The following TENM2 variants were observed in gnomAD, a reference collection of about 807,000 sequenced individuals.
TENM2 encodes teneurin-2.
In TENM2, 52 loss-of-function variants were observed where a neutral mutation model predicts 245.2. The ratio of observed to expected loss-of-function variants is 0.21; its 90% CI spans 0.17 to 0.27. The LOEUF (loss-of-function observed/expected upper bound fraction) is 0.27, where lower values mean the gene tolerates loss of function less well. Among genes scored for constraint, TENM2 ranks in the 10% least tolerant of loss-of-function variants. The pLI, the probability that TENM2 is intolerant of heterozygous loss-of-function variation, is 1.00. For missense variants in TENM2, 3,046 were observed against 3,666.8 expected (o/e 0.83, Z 4.37); for synonymous variants, 1,363 against 1,438.9 (o/e 0.95, Z 1.19).
At chr5:167,670,799 A>G (rs1236387916) in intron 2 of TENM2, among the ~76,000 whole-genome samples, 1 of 152,148 alleles carries the variant, frequency 6.6e-6, no homozygotes, top group Non-Finnish European at 1.5e-5. Flanking sequence ...GGGCAAATCT[A>G]TCAGGTTCCA....
chr5:167,935,028 C>A, intron 3 of TENM2: 1 of 539,938 alleles, frequency 1.9e-6, no homozygotes, highest in Non-Finnish European at 2.4e-6. Context: ...TGAGTGCGAG[C>A]GGGAAAGGTC....
chr5:167,961,097 TC>T (rs1205002544), intron 4 of TENM2, among the ~76,000 whole-genome samples: 2 of 152,222 alleles, frequency 1.3e-5, no homozygotes, highest in Non-Finnish European at 2.9e-5. Context: ...TCACCTGGCT[TC>T]TGTGTTGATC....
chr5:167,592,994 T>C (rs560890139), intron 2 of TENM2, among the ~76,000 whole-genome samples: 2 of 152,336 alleles, frequency 1.3e-5, no homozygotes, highest in South Asian at 4.1e-4. Flanking sequence ...GTGGTCTTTT[T>C]CTTTGTTTTA....
At chr5:167,414,522 A>T (rs1024260830) in intron 2 of TENM2, among the ~76,000 whole-genome samples, 5 of 152,202 alleles carry the variant, frequency 3.3e-5, no homozygotes, top group South Asian at 2.1e-4. Context: ...CAAGTGATTT[A>T]GGGTGATTTA....
Position 167,619,877 on chromosome 5 carries a change from A to G in TENM2, c.502+244404A>G, listed in dbSNP as rs1778044409. Among the ~76,000 whole-genome samples the G allele has an allele frequency of 2.0e-5, 3 of 152,110 alleles. No individual in the cohort carries two copies. The South Asian group carries it at 6.2e-4, about 31-fold the overall frequency. On this transcript the variant is annotated intron_variant, in intron 2 of 28. Transcript: ENST00000518659. ...TCCTCCCCCTTTTAAAAAAATTAAT[A>G]GGACTGACAGCTTCATGGTAGGTGG...
chr5:168,228,076 C>G lies in TENM2; in HGVS notation c.5466C>G (p.Arg1822=), dbSNP rs781707882. 1.9e-6 allele frequency: 3 copies of G among 1,613,776 alleles called. No homozygotes were observed. In the South Asian group the frequency reaches 3.3e-5, roughly 18 times the overall value. ...ATGGCTTAAACTCCATTGAGTGGCG[C>G]CTAAGAAAGGAACAGATTAAAGGCA... Residue 1822 remains arginine, a synonymous_variant, in exon 25 of 29, where the codon CGC becomes CGG. Coordinates refer to ENST00000518659, the Ensembl canonical transcript of TENM2.
intron 2 of TENM2, among the ~76,000 whole-genome samples, chr5:167,780,371 T>A (rs1764107637): frequency 6.6e-6 from 1 of 152,168 alleles, no homozygotes. Context: ...ACGTGCACAG[T>A]CCCAGCTGGA....
At chr5:167,039,486 A>G in the TENM2 span, among the ~76,000 whole-genome samples, 2 of 152,194 alleles carry the variant, frequency 1.3e-5, no homozygotes, top group Admixed American at 6.5e-5. Context: ...ATCTATGCTC[A>G]TAGAAATAGT....
chr5:168,245,067 ATTTCTGC>A (rs1354322700), intron 26 of TENM2, among the ~76,000 whole-genome samples: 4 of 151,822 alleles, frequency 2.6e-5, no homozygotes, highest in African/African-American at 9.7e-5. Flanking sequence ...GCACCTGACC[ATTTCTGC>A]TGCTCTTGTA....
At chr5:167,529,690 G>T (rs916642393) in intron 2 of TENM2, among the ~76,000 whole-genome samples, 2 of 152,190 alleles carry the variant, frequency 1.3e-5, no homozygotes, top group Non-Finnish European at 2.9e-5. Flanking sequence ...AAGTGACTGG[G>T]TTAGCTTATG....
intron 2 of TENM2, among the ~76,000 whole-genome samples, chr5:167,869,997 TTAGTC>T (rs1434533081): frequency 6.6e-6 from 1 of 152,196 alleles, no homozygotes; most frequent in African/African-American, 2.4e-5. Context: ...AGTAGATACT[TTAGTC>T]AAGCATCTGA....
chr5:167,665,630 A>G (rs2150336521), intron 2 of TENM2, among the ~76,000 whole-genome samples: 1 of 152,290 alleles, frequency 6.6e-6, no homozygotes, highest in Non-Finnish European at 1.5e-5. Context: ...TTGCGGTTCC[A>G]TTCTGTATTT....
At chr5:167,041,707 C>T in the TENM2 span, among the ~76,000 whole-genome samples, 49 of 152,178 alleles carry the variant, frequency 3.2e-4, no homozygotes, top group African/African-American at 1.0e-3. Flanking sequence ...AAATTACAAA[C>T]GAAAGAAGTA....
chr5:167,615,958 A>T (rs543428539), intron 2 of TENM2, among the ~76,000 whole-genome samples: 2 of 152,302 alleles, frequency 1.3e-5, no homozygotes, highest in Middle Eastern at 3.4e-3. Context: ...TTAAATGCTC[A>T]TTCAAGAATA....
At chr5:167,615,559 T>C (rs1011664245) in intron 2 of TENM2, among the ~76,000 whole-genome samples, 3 of 152,160 alleles carry the variant, frequency 2.0e-5, no homozygotes, top group African/African-American at 7.2e-5. Context: ...CAGAATATGA[T>C]AAATGCTCTA....
rs754851828 is a variant in TENM2, at chr5:168,262,566, G to A, written c.8081G>A (p.Arg2694His). 7.7e-6 allele frequency: 12 copies of A among 1,563,252 alleles called. 1 individual carries two copies. The Admixed American group carries it at 7.7e-5, about 10-fold the overall frequency. The change falls in exon 29 of 29, where the codon CGC becomes CAC. Residue 2694 changes from arginine to histidine, a missense_variant. Transcript: ENST00000518659. ...GACACCCTGGACGAAGAGAAGGCCC[G>A]CGTCCTGGACCAGGCGAGACAGAGG...
intron 2 of TENM2, among the ~76,000 whole-genome samples, chr5:167,650,950 A>C (rs1211729017): frequency 6.6e-6 from 1 of 152,196 alleles, no homozygotes; most frequent in Non-Finnish European, 1.5e-5. Context: ...TTCTGGAGTC[A>C]CAACTTCTAC....
At chr5:167,061,644 A>C in the TENM2 span, among the ~76,000 whole-genome samples, 2 of 152,184 alleles carry the variant, frequency 1.3e-5, 1 homozygote. Context: ...CGTAAGTGAA[A>C]GAAAAGAGTA....
intron 2 of TENM2, among the ~76,000 whole-genome samples, chr5:167,545,249 A>C (rs1046124143): frequency 7.9e-5 from 12 of 152,334 alleles, no homozygotes; most frequent in African/African-American, 2.9e-4. Context: ...ACGAGGTGAC[A>C]TATGTAACAC....
Sources: allele counts gnomAD v4.1 joint callset (sites outside exome capture counted in the v4.1 genomes callset), GRCh38; gene constraint gnomAD v4.1.1; transcripts MANE v1.5; gene names NCBI Gene and HGNC (gene_info 2026-07-23, HGNC 2026-07-21).